The following DARS2 variants were observed in gnomAD, a reference collection of about 807,000 sequenced individuals.
DARS2 encodes aspartyl-tRNA synthetase 2, mitochondrial.
Under a neutral mutation model 83.0 loss-of-function variants are expected in DARS2, and 63 were observed. That is an observed-to-expected ratio of 0.76 (90% CI 0.62 to 0.94). The LOEUF (loss-of-function observed/expected upper bound fraction) is 0.94. Ranked by LOEUF, DARS2 falls within the 40% of genes least tolerant of loss-of-function variation. The pLI is 0.00. For missense variants in DARS2, 675 were observed against 774.4 expected (o/e 0.87, Z 1.52); for synonymous variants, 250 against 269.3 (o/e 0.93, Z 0.70).
chr1:173,848,381 T>A (rs1181191538), intron 12 of DARS2, among the ~76,000 whole-genome samples: 1 of 152,168 alleles, frequency 6.6e-6, no homozygotes, highest in African/African-American at 2.4e-5. Context: ...CTTAGAAGAG[T>A]GCTGTCCAAT....
chr1:173,857,769 A>G lies in DARS2; in HGVS notation c.*64A>G. Reference sequence around the variant, plus strand: ...TGTCCTCTTTGCTTCCCCAAGGCTAAAGTCAGATCTAGAGTTCTGCCACAG... The same window carrying G: ...TGTCCTCTTTGCTTCCCCAAGGCTAGAGTCAGATCTAGAGTTCTGCCACAG... On this transcript the variant is annotated 3_prime_UTR_variant, in exon 17 of 17. Transcript: ENST00000649689. The G allele has an allele frequency of 6.4e-7, 1 of 1,568,046 alleles. No homozygotes were observed. Among genetic ancestry groups the G allele is most frequent in the Non-Finnish European group, 8.8e-7 (1 of 1,141,032 alleles).
intron 1 of DARS2, among the ~76,000 whole-genome samples, chr1:173,826,239 T>A (rs1284484247): frequency 1.3e-5 from 2 of 150,148 alleles, no homozygotes; most frequent in African/African-American, 4.9e-5. Flanking sequence ...AAAAAAAAAA[T>A]CATTTTTCAC....
chr1:173,825,161 C>T lies in DARS2; in HGVS notation c.-69C>T. 1.3e-6 allele frequency: 2 copies of T among 1,590,062 alleles called. No individual in the cohort carries two copies. Among genetic ancestry groups the T allele is most frequent in the South Asian group, 2.2e-5 (2 of 90,532 alleles). On this transcript the variant is annotated 5_prime_UTR_variant, in exon 1 of 17. Transcript: ENST00000649689. ...ATTTTAAGGGATTTCTGTGTATTTC[C>T]AAAACTGACTTTTAACTACCGGCAG...
chr1:173,842,284 C>CTTTTTTTTTTTTT lies in DARS2; in HGVS notation c.1128+1332_1128+1344dup, dbSNP rs1178547914. 8.6e-4 allele frequency among the ~76,000 whole-genome samples: 55 copies of CTTTTTTTTTTTTT among 64,248 alleles called. 12 individuals are homozygous for CTTTTTTTTTTTTT. Among genetic ancestry groups the CTTTTTTTTTTTTT allele is most frequent in the East Asian group, 1.7e-3 (4 of 2,304 alleles). The allele number at this position is 64,248 out of a possible 152,430, so 42.1% of individuals were successfully genotyped here. ...CTCAGGAACTCAGTCTCATTACTTT[C>CTTTTTTTTTTTTT]TTTTTTTTTTTTTTTTTTTTTTTTT... On this transcript the variant is annotated intron_variant, in intron 11 of 16. Coordinates refer to ENST00000649689, the MANE Select transcript of DARS2 (RefSeq NM_018122.5).
At chr1:173,856,763 A>G (rs1289675280) in intron 16 of DARS2, 22 bp downstream of exon 16, 2 of 1,602,066 alleles carry the variant, frequency 1.2e-6, no homozygotes. Context: ...TTCCTTTTAT[A>G]AGATAAACTG....
At chr1:173,826,948 C>T in intron 2 of DARS2, among the ~76,000 whole-genome samples, 162 bp downstream of exon 2, 1 of 152,080 alleles carries the variant, frequency 6.6e-6, no homozygotes, top group African/African-American at 2.4e-5. Flanking sequence ...TTTGAAAGAC[C>T]CAAGTGTCAT....
At position 173,853,365 on chromosome 1, in the gene DARS2, A is replaced by G; in HGVS notation, c.1361A>G (p.Lys454Arg). 1 of 1,613,784 alleles carries G rather than the reference A, an allele frequency of 6.2e-7. No homozygotes were observed. Among genetic ancestry groups the G allele is most frequent in the Non-Finnish European group, 8.5e-7 (1 of 1,180,020 alleles). ...EHNKACSLLG[K>R]LRLECADLLE... ...TGTTTGCAGTGCTCTTTGTTAGGAAAATTACGACTGGAATGTGCTGACCTT... is the reference window on the plus strand; with the variant it reads ...TGTTTGCAGTGCTCTTTGTTAGGAAGATTACGACTGGAATGTGCTGACCTT... Residue 454 changes from lysine to arginine, a missense_variant, in exon 14 of 17, where the codon AAA becomes AGA. Transcript: ENST00000649689.
At chr1:173,848,259 T>C (rs1039689586) in intron 12 of DARS2, among the ~76,000 whole-genome samples, 8 of 152,196 alleles carry the variant, frequency 5.3e-5, no homozygotes, top group Non-Finnish European at 1.0e-4. Flanking sequence ...TAAGAAAGCA[T>C]GTGAGAGATC....
intron 15 of DARS2, among the ~76,000 whole-genome samples, chr1:173,856,208 G>T (rs1222075781): frequency 6.6e-6 from 1 of 152,132 alleles, no homozygotes; most frequent in Non-Finnish European, 1.5e-5. Context: ...TACATGTACT[G>T]CCCCACAAAA....
At chr1:173,848,680 T>G (rs1441357385) in intron 12 of DARS2, among the ~76,000 whole-genome samples, 2 of 152,244 alleles carry the variant, frequency 1.3e-5, no homozygotes, top group Admixed American at 6.5e-5. Context: ...ATAGCAGAGC[T>G]GGTTTTTTCT....
intron 7 of DARS2, among the ~76,000 whole-genome samples, chr1:173,836,189 C>A (rs1275787835): frequency 6.6e-6 from 1 of 151,982 alleles, no homozygotes; most frequent in Non-Finnish European, 1.5e-5. Flanking sequence ...CATTGCACTC[C>A]AACCTGGGTG....
chr1:173,830,862 G>C, intron 4 of DARS2, 101 bp downstream of exon 4: 1 of 872,514 alleles, frequency 1.1e-6, no homozygotes, highest in East Asian at 2.5e-5. Flanking sequence ...AGGCACTAAA[G>C]TTGAATAAAT....
At chr1:173,853,323 T>C in intron 13 of DARS2, 26 bp from the exon 14 acceptor site, 1 of 1,605,408 alleles carries the variant, frequency 6.2e-7, no homozygotes, top group Non-Finnish European at 8.5e-7. Flanking sequence ...AGAAGTTAAC[T>C]CAATGTTTAC....
chr1:173,831,148 C>G (rs1315860775), intron 4 of DARS2, among the ~76,000 whole-genome samples: 1 of 151,778 alleles, frequency 6.6e-6, no homozygotes, highest in Non-Finnish European at 1.5e-5. Context: ...ATCTCTTGAC[C>G]TCATGATCTG....
chr1:173,833,969 C>T (rs547314709), intron 6 of DARS2, among the ~76,000 whole-genome samples: 143 of 152,138 alleles, frequency 9.4e-4, no homozygotes, highest in Middle Eastern at 3.4e-3. Flanking sequence ...ATTATGTTGC[C>T]CAGGCTGGTC....
At chr1:173,854,678 T>C (rs1196478388) in intron 15 of DARS2, among the ~76,000 whole-genome samples, 1 of 152,076 alleles carries the variant, frequency 6.6e-6, no homozygotes, top group East Asian at 1.9e-4. Context: ...ACCATGCAGC[T>C]TGAAAAAATA....
At chr1:173,854,047 C>T (rs1401113802) in intron 15 of DARS2, 142 bp downstream of exon 15, 11 of 725,694 alleles carry the variant, frequency 1.5e-5, no homozygotes, top group Non-Finnish European at 2.6e-5. Context: ...GCATTCATAG[C>T]TCACTGCAAT....
chr1:173,838,405 C>A (rs1252378515), intron 9 of DARS2, 146 bp downstream of exon 9: 15 of 649,904 alleles, frequency 2.3e-5, no homozygotes. Context: ...AGTTGAGAAA[C>A]TAATTATTCT....
At chr1:173,849,508 G>A (rs1653564159) in intron 12 of DARS2, among the ~76,000 whole-genome samples, 1 of 150,360 alleles carries the variant, frequency 6.7e-6, no homozygotes, top group Non-Finnish European at 1.5e-5. Flanking sequence ...CTCCAGCATG[G>A]GTGACAGAGC....
Sources: gnomAD v4.1 joint callset for allele counts (sites outside exome capture counted in the v4.1 genomes callset) on GRCh38, gnomAD v4.1.1 for gene constraint, MANE v1.5 for transcripts, NCBI Gene and HGNC (gene_info 2026-07-23, HGNC 2026-07-21) for gene names.